The following ATP8B1 variants were observed in gnomAD, a reference collection of about 807,000 sequenced individuals.
ATP8B1 encodes ATPase phospholipid transporting 8B1.
ATP8B1 carries 80 observed loss-of-function variants against 149.9 expected under a neutral mutation model. The observed-to-expected ratio is 0.53, with a 90% confidence interval of 0.45 to 0.64. ATP8B1 has a LOEUF of 0.64. ATP8B1 is among the 30% of genes least tolerant of loss of function. The pLI is 0.00. For missense variants in ATP8B1, 1,247 were observed against 1,552.6 expected (o/e 0.80, Z 3.31); for synonymous variants, 536 against 562.8 (o/e 0.95, Z 0.67).
At chr18:57,685,900 C>T (rs1912213433) in intron 13 of ATP8B1, among the ~76,000 whole-genome samples, 1 of 151,558 alleles carries the variant, frequency 6.6e-6, no homozygotes, top group Non-Finnish European at 1.5e-5. Context: ...CACTGCACTC[C>T]AGCCTGGGCG....
intron 1 of ATP8B1, among the ~76,000 whole-genome samples, chr18:57,770,178 C>T (rs2080252594): frequency 6.6e-6 from 1 of 151,658 alleles, no homozygotes; most frequent in Non-Finnish European, 1.5e-5. Flanking sequence ...AAGCGATTCT[C>T]CTGCCTCAGC....
At chr18:57,697,913 G>C in intron 6 of ATP8B1, 46 bp from the exon 7 acceptor site, 1 of 1,483,154 alleles carries the variant, frequency 6.7e-7, no homozygotes, top group South Asian at 1.1e-5. Context: ...TTAAGTTACA[G>C]GCAAGGGAAT....
chr18:57,789,778 T>G (rs999502213), intron 1 of ATP8B1, among the ~76,000 whole-genome samples: 1 of 152,226 alleles, frequency 6.6e-6, no homozygotes, highest in Non-Finnish European at 1.5e-5. Context: ...TTTGCTCACA[T>G]GTACATACTT....
chr18:57,756,865 C>G (rs116281789), intron 1 of ATP8B1, among the ~76,000 whole-genome samples: 1 of 152,144 alleles, frequency 6.6e-6, no homozygotes, highest in Non-Finnish European at 1.5e-5. Context: ...ATGTGGTCAA[C>G]GTGTTGTTTG....
Position 57,685,045 on chromosome 18 carries a change from A to G in ATP8B1, c.1473+27T>C, listed in dbSNP as rs753598874. The G allele has an allele frequency of 8.7e-5, 140 of 1,613,350 alleles. 1 individual carries two copies. The highest frequency in any genetic ancestry group is 1.1e-4 in the Non-Finnish European group (133 of 1,179,422). ...GGACCCTGACATCCCCAGCATCCCA[A>G]ACGATTCTTCGGCTTAAAGGTCTTA... On this transcript the variant is annotated intron_variant, in intron 14 of 27. Transcript: ENST00000648908.
At chr18:57,683,070 C>A (rs1398134310) in intron 15 of ATP8B1, among the ~76,000 whole-genome samples, 1 of 152,150 alleles carries the variant, frequency 6.6e-6, no homozygotes, top group African/African-American at 2.4e-5. Flanking sequence ...CTCAAGCAAT[C>A]CATTCACCTC....
intron 1 of ATP8B1, among the ~76,000 whole-genome samples, chr18:57,770,633 G>A (rs1219119448): frequency 6.6e-6 from 1 of 152,256 alleles, no homozygotes; most frequent in Non-Finnish European, 1.5e-5. Context: ...GGCTGAGACA[G>A]GGACTTTGAG....
At chr18:57,706,901 C>CTT (rs1913425272) in intron 2 of ATP8B1, among the ~76,000 whole-genome samples, 1 of 152,200 alleles carries the variant, frequency 6.6e-6, no homozygotes, top group Non-Finnish European at 1.5e-5. Context: ...AGATCTCTCC[C>CTT]TTGTAGCTCT....
At position 57,730,659 on chromosome 18, in the gene ATP8B1, G is replaced by A. The variant is rs185141554; in HGVS notation, c.181+968C>T. 4.6e-5 allele frequency among the ~76,000 whole-genome samples: 7 copies of A among 152,198 alleles called. No homozygotes were observed. The East Asian group carries it at 1.2e-3, about 25-fold the overall frequency. On this transcript the variant is annotated intron_variant, in intron 2 of 27. Coordinates refer to ENST00000648908, the MANE Select transcript of ATP8B1 (RefSeq NM_001374385.1). The stretch of plus-strand genomic sequence containing the variant: ...CTGCCTTCAGTGATGTACTGTCTGC[G>A]GTCACTTACACTCAACATTGGCAGA...
rs1473688808 is a variant in ATP8B1 at position 57,701,216 on chromosome 18, A to G, written c.491T>C (p.Val164Ala). ...VTAIKDLVDD[V>A]ARHKMDKEIN... ...GAACGTTGTATGAGAAATCCTCACC[A>G]CATCGTCCACCAGGTCTTTGATTGC... Residue 164 changes from valine to alanine, a missense_variant and splice_region_variant, in exon 5 of 28, where the codon GTG (valine) becomes GCG (alanine). Coordinates refer to ENST00000648908, the MANE Select transcript of ATP8B1 (RefSeq NM_001374385.1). 6.2e-7 allele frequency: 1 copy of G among 1,613,994 alleles called. No individual in the cohort carries two copies. Among genetic ancestry groups the G allele is most frequent in the African/African-American group, 1.3e-5 (1 of 74,938 alleles).
intron 1 of ATP8B1, among the ~76,000 whole-genome samples, chr18:57,745,002 TTACTC>T (rs1450301127): frequency 2.6e-5 from 4 of 152,158 alleles, no homozygotes; most frequent in African/African-American, 9.7e-5. Flanking sequence ...CAATAAAAGA[TTACTC>T]TTACTAGCAA....
Position 57,652,768 on chromosome 18 carries a change from G to C in ATP8B1, c.3016-39C>G, listed in dbSNP as rs777075978. On this transcript the variant is annotated intron_variant, in intron 24 of 27. Transcript: ENST00000648908. ...CAAAATGATGGTATTTTATTCATCA[G>C]GTCAAAGCAGTCAGAGATATGTTAT... is the stretch of plus-strand genomic sequence containing the variant. 2.5e-6 allele frequency: 4 copies of C among 1,613,342 alleles called. No homozygotes were observed. In the African/African-American group the frequency reaches 5.3e-5, roughly 22 times the overall value.
At chr18:57,746,032 T>C (rs915552948) in intron 1 of ATP8B1, among the ~76,000 whole-genome samples, 4 of 152,134 alleles carry the variant, frequency 2.6e-5, no homozygotes, top group Non-Finnish European at 4.4e-5. Context: ...AGATGAAACG[T>C]AGGAAATGTT....
At chr18:57,744,550 G>A (rs1022045058) in intron 1 of ATP8B1, among the ~76,000 whole-genome samples, 4 of 152,130 alleles carry the variant, frequency 2.6e-5, no homozygotes, top group African/African-American at 9.7e-5. Context: ...AATAATGAAA[G>A]TTACCAGGAG....
Position 57,701,559 on chromosome 18 carries a change from C to G in ATP8B1, c.394-246G>C, listed in dbSNP as rs540296938. Reference sequence around the variant, plus strand: ...AGTGGCTCCTGAAATTATCTCATTGCAAACTTAACTGGACACCAAGGAAGT... The same window carrying G: ...AGTGGCTCCTGAAATTATCTCATTGGAAACTTAACTGGACACCAAGGAAGT... On this transcript the variant is annotated intron_variant, in intron 4 of 27. Coordinates refer to ENST00000648908, the MANE Select transcript of ATP8B1 (RefSeq NM_001374385.1). Among the ~76,000 whole-genome samples, 8 of 152,256 alleles carry G rather than the reference C, an allele frequency of 5.3e-5. No homozygotes were observed. The South Asian group carries it at 1.7e-3, about 32-fold the overall frequency.
At chr18:57,666,988 CA>C (rs1910900121) in intron 20 of ATP8B1, 103 bp downstream of exon 20, 2 of 1,032,646 alleles carry the variant, frequency 1.9e-6, no homozygotes, top group Admixed American at 3.8e-5. Flanking sequence ...CCCCAAGTGA[CA>C]CATCGTAACC....
At chr18:57,733,145 A>G (rs1163152791) in intron 1 of ATP8B1, among the ~76,000 whole-genome samples, 1 of 152,182 alleles carries the variant, frequency 6.6e-6, no homozygotes, top group Non-Finnish European at 1.5e-5. Context: ...TTAGGAAAAT[A>G]TTTACACAAA....
rs58101846 is a variant in ATP8B1, at chr18:57,676,717, CAAAAAAAA to C, written c.1631-1703_1631-1696del. On this transcript the variant is annotated intron_variant, in intron 15 of 27. Coordinates refer to ENST00000648908, the MANE Select transcript of ATP8B1 (RefSeq NM_001374385.1). ...CTGGTGACAGACCGAGACTCCATTT[CAAAAAAAA>C]AAAAAAAAAAAAAGAAAGAAAGAAA... Among the ~76,000 whole-genome samples, 52 of 92,210 alleles carry C rather than the reference CAAAAAAAA, an allele frequency of 5.6e-4. No individual in the cohort carries two copies. The South Asian group carries it at 0.01, about 18-fold the overall frequency. 60.5% of individuals were successfully genotyped at this position (92,210 alleles called of 152,430 possible).
Position 57,731,377 on chromosome 18 carries a change from A to ACT in ATP8B1, c.181+249_181+250insAG. 7.4e-6 allele frequency: 2 copies of ACT among 271,122 alleles called. 1 individual carries two copies. The highest frequency in any genetic ancestry group is 1.4e-5 in the Non-Finnish European group (2 of 143,520). 16.8% of individuals were successfully genotyped at this position (271,122 alleles called of 1,614,324 possible). A position where few individuals can be genotyped will look rare whatever the true frequency, so the allele number is the denominator to read the frequency against. ...TATATATATATATATATATATATAC[A>ACT]CACACTAACAAAGACCTTAATGTAT... is the stretch of plus-strand genomic sequence containing the variant. On this transcript the variant is annotated intron_variant, in intron 2 of 27. Transcript: ENST00000648908.
Sources: gnomAD v4.1 joint callset for allele counts (sites outside exome capture counted in the v4.1 genomes callset) on GRCh38, gnomAD v4.1.1 for gene constraint, MANE v1.5 for transcripts, NCBI Gene and HGNC (gene_info 2026-07-23, HGNC 2026-07-21) for gene names.